Variants in MYLK observed in about 807,000 individuals in gnomAD.
MYLK encodes myosin light chain kinase, also known as myosin light chain kinase, smooth muscle.
MYLK carries 106 observed loss-of-function variants against 203.4 expected under a neutral mutation model. The ratio of observed to expected loss-of-function variants is 0.52; its 90% confidence interval spans 0.45 to 0.61. MYLK has a LOEUF of 0.61. MYLK is among the 20% of genes least tolerant of loss of function. The pLI is 0.00. For missense variants in MYLK, 2,072 were observed against 2,442.3 expected, an observed-to-expected ratio of 0.85 and a Z score of 3.20; for synonymous variants, 867 against 959.5, an observed-to-expected ratio of 0.90 and a Z score of 1.78.
chr3:123,734,197 T>C lies in MYLK; in HGVS notation c.799A>G (p.Thr267Ala). ...ACCTCTTTCCTGACATCTGAATTGG[T>C]GGCTTTTGTTTCTCTCACAAATGAC... ...NRSFVRETKA[T>A]NSDVRKEVTN... Residue 267 changes from threonine to alanine, a missense_variant, in exon 10 of 34, where the codon ACC becomes GCC. This residue lies in a region of MYLK where 683 missense variants were observed against 643.8 expected (regional missense o/e 1.06). Coordinates refer to ENST00000360304, the MANE Select transcript of MYLK (RefSeq NM_053025.4). 1 of 1,307,898 alleles carries C rather than the reference T, an allele frequency of 7.6e-7. No homozygotes were observed. The highest frequency in any genetic ancestry group is 9.9e-7 in the Non-Finnish European group (1 of 1,007,572). 81.0% of individuals were successfully genotyped at this position (1,307,898 alleles called of 1,614,324 possible). A position where few individuals can be genotyped will look rare whatever the true frequency, so the allele number is the denominator to read the frequency against.
At chr3:123,852,798 T>C (rs918480199) in intron 2 of MYLK, among the ~76,000 whole-genome samples, 1 of 152,120 alleles carries the variant, frequency 6.6e-6, no homozygotes, top group African/African-American at 2.4e-5. Flanking sequence ...TGCTAAAGTA[T>C]GGCAAGACAA....
intron 29 of MYLK, 26 bp downstream of exon 29, chr3:123,638,025 GGTCCACCAAGTGGTCCACCA>G (rs761848033): frequency 1.6e-4 from 255 of 1,612,746 alleles, no homozygotes; most frequent in Non-Finnish European, 2.1e-4. Flanking sequence ...CCCACCCACT[GGTCCACCAAGTGGTCCACCA>G]GTCCACCAAG....
chr3:123,860,581 C>T (rs562910515), intron 2 of MYLK, among the ~76,000 whole-genome samples: 1 of 152,264 alleles, frequency 6.6e-6, no homozygotes, highest in Non-Finnish European at 1.5e-5. Flanking sequence ...AGAATTCCAG[C>T]TGCTTAAATT....
chr3:123,732,811 G>C, intron 11 of MYLK, 85 bp downstream of exon 11: 1 of 1,329,342 alleles, frequency 7.5e-7, no homozygotes, highest in East Asian at 2.4e-5. Context: ...GGGGCTATAG[G>C]AGATGAACCA....
intron 3 of MYLK, among the ~76,000 whole-genome samples, chr3:123,814,771 A>T (rs1008492662): frequency 6.6e-6 from 1 of 152,064 alleles, no homozygotes; most frequent in Admixed American, 6.6e-5. Flanking sequence ...AGTTTCATGG[A>T]CATAAACTGA....
intron 4 of MYLK, among the ~76,000 whole-genome samples, chr3:123,756,139 C>T (rs1461991058): frequency 2.0e-5 from 3 of 152,112 alleles, no homozygotes; most frequent in Admixed American, 1.3e-4. Flanking sequence ...TTTTGGTTTC[C>T]AGGTTGAGTG....
intron 29 of MYLK, among the ~76,000 whole-genome samples, chr3:123,634,654 C>T (rs529692381): frequency 3.3e-5 from 5 of 152,302 alleles, no homozygotes; most frequent in South Asian, 4.1e-4. Context: ...ATTGCTGGTT[C>T]GCTCTGGCTT....
chr3:123,722,105 C>G, intron 13 of MYLK, 23 bp downstream of exon 13: 1 of 1,558,204 alleles, frequency 6.4e-7, no homozygotes, highest in Non-Finnish European at 8.7e-7. Context: ...GGTGCTTCTA[C>G]CCAGGTGCCC....
chr3:123,804,468 G>A (rs1180061018), intron 3 of MYLK, among the ~76,000 whole-genome samples: 2 of 152,166 alleles, frequency 1.3e-5, no homozygotes, highest in Admixed American at 1.3e-4. Flanking sequence ...GAGAAAAGAA[G>A]GTGCAGGAAG....
At chr3:123,836,805 T>C (rs1438885380) in intron 2 of MYLK, among the ~76,000 whole-genome samples, 2 of 152,158 alleles carry the variant, frequency 1.3e-5, no homozygotes, top group Admixed American at 6.5e-5. Flanking sequence ...CAAGGACACA[T>C]AGTAGAGAGG....
chr3:123,725,781 G>A (rs1005221179), intron 12 of MYLK, among the ~76,000 whole-genome samples, 163 bp downstream of exon 12: 2 of 152,202 alleles, frequency 1.3e-5, no homozygotes, highest in East Asian at 3.8e-4. Context: ...TCAGCCAGTC[G>A]GGAGCAGGAT....
chr3:123,878,431 G>A (rs986661933), intron 1 of MYLK, among the ~76,000 whole-genome samples: 25 of 152,186 alleles, frequency 1.6e-4, no homozygotes, highest in African/African-American at 5.6e-4. Context: ...AACAGCACTC[G>A]GTATCCAGGG....
intron 4 of MYLK, among the ~76,000 whole-genome samples, chr3:123,784,865 T>C (rs1018286205): frequency 2.6e-5 from 4 of 152,168 alleles, no homozygotes; most frequent in African/African-American, 7.2e-5. Context: ...GGAATGTCTA[T>C]TAGCAGGCTT....
At chr3:123,654,118 C>T (rs2059315827) in intron 24 of MYLK, among the ~76,000 whole-genome samples, 1 of 151,924 alleles carries the variant, frequency 6.6e-6, no homozygotes, top group South Asian at 2.1e-4. Flanking sequence ...CGAAAGCTGT[C>T]CCAGGAGCAG....
At chr3:123,670,288 G>A (rs2108367590) in intron 20 of MYLK, among the ~76,000 whole-genome samples, 1 of 152,264 alleles carries the variant, frequency 6.6e-6, no homozygotes. Flanking sequence ...AAGACAGGAT[G>A]TAAGATGGAC....
intron 28 of MYLK, chr3:123,639,073 C>T (rs747180630): frequency 1.0e-5 from 10 of 985,350 alleles, no homozygotes; most frequent in Non-Finnish European, 1.1e-5. Context: ...CCCACAGTAT[C>T]CCTCACCAGT....
rs376929366 is a variant in MYLK at position 123,657,232 on chromosome 3, C to A, written c.4182G>T (p.Leu1394=). 9 of 1,614,082 alleles carry A rather than the reference C, an allele frequency of 5.6e-6. No homozygotes were observed. In the Admixed American group the frequency reaches 1.5e-4, roughly 27 times the overall value. ...GGAACTTATATTCGTGGTCAGGCAG[C>A]AGGTCCTGGACGTTGAAAGAGGTGC... ...CRSTSFNVQD[L]LPDHEYKFRV... The change falls in exon 24 of 34, where the codon CTG becomes CTT. Residue 1394 remains leucine, a synonymous_variant. Transcript: ENST00000360304.
intron 5 of MYLK, among the ~76,000 whole-genome samples, chr3:123,747,054 ATG>A (rs2063040876): frequency 6.6e-6 from 1 of 152,210 alleles, no homozygotes; most frequent in Non-Finnish European, 1.5e-5. Context: ...CGGCCTAAAA[ATG>A]TATAATGTCA....
chr3:123,651,453 T>G (rs780167123), intron 24 of MYLK, among the ~76,000 whole-genome samples: 3 of 152,302 alleles, frequency 2.0e-5, no homozygotes, highest in South Asian at 2.1e-4. Context: ...CGACACAGAA[T>G]CATCCTATTT....
Sources: allele counts gnomAD v4.1 joint callset (sites outside exome capture counted in the v4.1 genomes callset), GRCh38; gene constraint gnomAD v4.1.1; regional missense constraint gnomAD v4.1.1; transcripts MANE v1.5; gene names NCBI Gene and HGNC (gene_info 2026-07-23, HGNC 2026-07-21).